Variants in OLFML1 observed in about 807,000 individuals in gnomAD.
OLFML1 encodes the protein olfactomedin like 1.
A neutral mutation model predicts 37.3 loss-of-function variants in OLFML1; 33 were observed. That is an observed-to-expected ratio of 0.88 (90% confidence interval 0.67 to 1.18). OLFML1 has a LOEUF of 1.18. Among genes scored for constraint, OLFML1 ranks in the 50% most tolerant of loss-of-function variants. The pLI is 0.00. For missense variants in OLFML1, 545 were observed against 483.7 expected, an observed-to-expected ratio of 1.13 and a Z score of -1.19; for synonymous variants, 186 against 181.3, an observed-to-expected ratio of 1.03 and a Z score of -0.21.
At chr11:7,506,192 T>C (rs1371033037) in intron 2 of OLFML1, among the ~76,000 whole-genome samples, 3 of 152,076 alleles carry the variant, frequency 2.0e-5, no homozygotes, top group Non-Finnish European at 4.4e-5. Context: ...TGTTGTTGTT[T>C]TAATATAGGC....
intron 2 of OLFML1, among the ~76,000 whole-genome samples, chr11:7,490,975 TC>T (rs1848588916): frequency 6.6e-6 from 1 of 152,138 alleles, no homozygotes; most frequent in Admixed American, 6.5e-5. Context: ...CATTCAAATC[TC>T]CTAGCTTTCT....
Position 7,486,751 on chromosome 11 carries a change from ATTAT to A in OLFML1, c.129+752_129+755del, listed in dbSNP as rs374408841. On this transcript the variant is annotated intron_variant, in intron 1 of 2. Transcript: ENST00000329293. The stretch of plus-strand genomic sequence containing the variant: ...GCTTTTGTACAAGCTAAATTGATAA[ATTAT>A]TTATCTTCTTTCAAAGACCCTCTTA... Among the ~76,000 whole-genome samples, 616 of 152,314 alleles carry A rather than the reference ATTAT, an allele frequency of 4.0e-3. 6 individuals are homozygous for A. Among genetic ancestry groups the A allele is most frequent in the South Asian group, 0.016 (77 of 4,822 alleles).
At chr11:7,505,211 G>T (rs545292544) in intron 2 of OLFML1, among the ~76,000 whole-genome samples, 2 of 151,932 alleles carry the variant, frequency 1.3e-5, no homozygotes, top group East Asian at 3.9e-4. Context: ...TGGGCTTACA[G>T]GTGTGAGCCA....
intron 2 of OLFML1, among the ~76,000 whole-genome samples, chr11:7,491,891 C>T (rs75467265): frequency 0.066 from 10,060 of 152,230 alleles, 447 homozygotes; most frequent in Admixed American, 0.15. Context: ...CTTTAGGAAG[C>T]GCCTAGTCCC....
Position 7,509,541 on chromosome 11 carries a change from G to A in OLFML1, c.562G>A (p.Glu188Lys), listed in dbSNP as rs757693817. The A allele has an allele frequency of 2.5e-6, 4 of 1,614,180 alleles. No individual in the cohort carries two copies. The Admixed American group carries it at 6.7e-5, about 27-fold the overall frequency. Residue 188 changes from glutamate (E) to lysine (K), a missense_variant, in exon 3 of 3, where the codon GAA becomes AAA. By Grantham distance (56) the Glu-to-Lys change is moderately conservative. Coordinates refer to ENST00000329293, the MANE Select transcript of OLFML1 (RefSeq NM_198474.4). ...TGGATCCAGAAACAACACTGTTTGGGAATTTGCAAACATACGGGCATTCAT... is the reference window on the plus strand; with the variant it reads ...TGGATCCAGAAACAACACTGTTTGGAAATTTGCAAACATACGGGCATTCAT... ...LIGSRNNTVW[E>K]FANIRAFMED...
chr11:7,507,758 A>G (rs1041835299), intron 2 of OLFML1, among the ~76,000 whole-genome samples: 1 of 152,200 alleles, frequency 6.6e-6, no homozygotes, highest in African/African-American at 2.4e-5. Context: ...CATGTTGGCT[A>G]GGATGGTCTC....
rs758980022 is a variant in OLFML1, at chr11:7,488,230, C to A, written c.233C>A (p.Thr78Lys). 3 of 1,613,978 alleles carry A rather than the reference C, an allele frequency of 1.9e-6. No individual in the cohort carries two copies. Among genetic ancestry groups the A allele is most frequent in the African/African-American group, 1.3e-5 (1 of 75,006 alleles). ...SVMLGRCQTY[T>K]SEYKSAVGNL... ...ATGCTGGGAAGATGTCAGACCTACA[C>A]AAGTGAGTACAAGAGTGCAGTGGGT... Residue 78 changes from threonine (T) to lysine (K), a missense_variant, in exon 2 of 3, where the codon ACA becomes AAA. By Grantham distance (78) the Thr-to-Lys change is moderately conservative (BLOSUM62 -1). Coordinates refer to ENST00000329293, the MANE Select transcript of OLFML1 (RefSeq NM_198474.4).
chr11:7,511,289 TTCTC>T lies in OLFML1; in HGVS notation c.*1105_*1108del, dbSNP rs138369701. On this transcript the variant is annotated 3_prime_UTR_variant, in exon 3 of 3. Transcript: ENST00000329293. ...CTCCTCTTGTCTTGCTGTCCTCTGTTTCTCTCTTTCTGCTTTAAATTCAATAAAA... is the reference window on the plus strand; with the variant it reads ...CTCCTCTTGTCTTGCTGTCCTCTGTTTCTTTCTGCTTTAAATTCAATAAAA... 5,957 of 152,310 alleles carry T rather than the reference TTCTC, an allele frequency of 0.039. 157 individuals are homozygous for T. The highest frequency in any genetic ancestry group is 0.1 in the Middle Eastern group (30 of 292). The allele number at this position is 152,310 out of a possible 1,614,324, so 9.4% of individuals were successfully genotyped here.
intron 2 of OLFML1, among the ~76,000 whole-genome samples, chr11:7,498,033 G>A (rs1051126864): frequency 2.0e-5 from 3 of 152,230 alleles, no homozygotes; most frequent in African/African-American, 7.2e-5. Flanking sequence ...TTTGGAAACT[G>A]ACAAATTCTG....
chr11:7,508,816 G>C (rs779771475), intron 2 of OLFML1, among the ~76,000 whole-genome samples: 10 of 152,168 alleles, frequency 6.6e-5, no homozygotes, highest in Non-Finnish European at 1.3e-4. Context: ...CACCATTCTG[G>C]AAACATTGTA....
rs188100718 is a variant in OLFML1 at position 7,496,264 on chromosome 11, C to T, written c.418+7849C>T. The stretch of plus-strand genomic sequence containing the variant: ...TACACAAGGTCCCTAGGAACTTAGC[C>T]TGGTCACTTTAACACTTTGGTGTTC... On this transcript the variant is annotated intron_variant, in intron 2 of 2. Coordinates refer to ENST00000329293, the MANE Select transcript of OLFML1 (RefSeq NM_198474.4). 5.3e-4 allele frequency among the ~76,000 whole-genome samples: 80 copies of T among 152,344 alleles called. 1 individual carries two copies. Among genetic ancestry groups the T allele is most frequent in the Non-Finnish European group, 9.7e-4 (66 of 68,024 alleles).
chr11:7,492,133 T>C (rs1358080786), intron 2 of OLFML1, among the ~76,000 whole-genome samples: 1 of 152,064 alleles, frequency 6.6e-6, no homozygotes, highest in Non-Finnish European at 1.5e-5. Flanking sequence ...ATCCTGGGGA[T>C]TGTTTAAGAA....
chr11:7,505,289 G>A (rs189723763), intron 2 of OLFML1, among the ~76,000 whole-genome samples: 1 of 152,148 alleles, frequency 6.6e-6, no homozygotes, highest in East Asian at 1.9e-4. Context: ...GCTCCTCAGA[G>A]TGCTCAGTTG....
intron 2 of OLFML1, among the ~76,000 whole-genome samples, chr11:7,495,167 C>T (rs1466689273): frequency 2.0e-5 from 3 of 152,262 alleles, no homozygotes; most frequent in Non-Finnish European, 2.9e-5. Context: ...TGCTCTCTCA[C>T]CATCTCTAGT....
At chr11:7,487,682 GT>G (rs886362080) in intron 1 of OLFML1, among the ~76,000 whole-genome samples, 147 of 151,996 alleles carry the variant, frequency 9.7e-4, no homozygotes, top group African/African-American at 3.3e-3. Context: ...TAAATAAAAA[GT>G]TTTTTTCTCA....
chr11:7,495,540 C>T (rs1319126233), intron 2 of OLFML1, among the ~76,000 whole-genome samples: 3 of 152,164 alleles, frequency 2.0e-5, no homozygotes, highest in African/African-American at 7.2e-5. Context: ...TATCCCTCAG[C>T]ATCTCGTGCC....
At chr11:7,490,301 C>A (rs539017511) in intron 2 of OLFML1, among the ~76,000 whole-genome samples, 1 of 152,154 alleles carries the variant, frequency 6.6e-6, no homozygotes, top group African/African-American at 2.4e-5. Flanking sequence ...GCGGTAAGCA[C>A]AGAGTGAGGG....
At chr11:7,488,540 G>A in intron 2 of OLFML1, 125 bp downstream of exon 2, 1 of 724,772 alleles carries the variant, frequency 1.4e-6, no homozygotes, top group Non-Finnish European at 2.2e-6. Context: ...GCTTTTGTGT[G>A]CATTGCTGAG....
rs766050817 is a variant in OLFML1, at chr11:7,488,171, A to G, written c.174A>G (p.Gln58=). Residue 58 remains glutamine, a synonymous_variant, in exon 2 of 3, where the codon CAA becomes CAG. Coordinates refer to ENST00000329293, the MANE Select transcript of OLFML1 (RefSeq NM_198474.4). ...KCTQATRAYI[Q]EFQEFSKNIS... is the part of the protein sequence containing the mutation. ...CCCAAGCAACGAGGGCATACATTCA[A>G]GAATTCCAAGAGTTCTCAAAAAATA... 1.2e-6 allele frequency: 2 copies of G among 1,613,612 alleles called. No homozygotes were observed. Among genetic ancestry groups the G allele is most frequent in the South Asian group, 1.1e-5 (1 of 91,026 alleles).
Sources: allele counts gnomAD v4.1 joint callset (sites outside exome capture counted in the v4.1 genomes callset), GRCh38; gene constraint gnomAD v4.1.1; transcripts MANE v1.5; gene names NCBI Gene and HGNC (gene_info 2026-07-23, HGNC 2026-07-21).